The following C12orf56 variants were observed in gnomAD, a reference collection of about 807,000 sequenced individuals.
C12orf56 encodes chromosome 12 open reading frame 56.
A neutral mutation model predicts 69.9 loss-of-function variants in C12orf56; 71 were observed. That is an observed-to-expected ratio of 1.02 (90% CI 0.84 to 1.24). The LOEUF (loss-of-function observed/expected upper bound fraction) is 1.24. Ranked by LOEUF, C12orf56 falls within the 50% of genes most tolerant of loss-of-function variation. The probability of loss-of-function intolerance (pLI) is 0.00; values close to 1 mark genes in which losing one functional copy is unlikely to be tolerated. For synonymous variants in C12orf56, 276 were observed against 274.1 expected (o/e 1.01, Z -0.07); for missense variants, 732 against 738.5 (o/e 0.99, Z 0.10).
chr12:64,309,816 T>A (rs781491705), intron 5 of C12orf56, among the ~76,000 whole-genome samples: 1 of 152,076 alleles, frequency 6.6e-6, no homozygotes, highest in African/African-American at 2.4e-5. Flanking sequence ...CGGCTTATCA[T>A]ACTCACACTT....
chr12:64,313,295 A>AAAGAAAGAAAGAAAGAAAGAAAG, intron 4 of C12orf56, among the ~76,000 whole-genome samples: 1 of 148,000 alleles, frequency 6.8e-6, no homozygotes, highest in African/African-American at 2.5e-5. Context: ...AGAAAGAAAG[A>AAAGAAAGAAAGAAAGAAAGAAAG]AAGAAATTAT....
intron 6 of C12orf56, among the ~76,000 whole-genome samples, chr12:64,298,851 C>G (rs2038405249): frequency 6.6e-6 from 1 of 152,138 alleles, no homozygotes; most frequent in Admixed American, 6.6e-5. Flanking sequence ...TTAGGATTGT[C>G]TTGGCTATGC....
chr12:64,346,619 C>A (rs748429870), intron 2 of C12orf56, among the ~76,000 whole-genome samples: 4 of 152,270 alleles, frequency 2.6e-5, no homozygotes, highest in Middle Eastern at 3.4e-3. Context: ...TCTAGTCCCT[C>A]TCCATCCCAG....
At chr12:64,308,233 A>G (rs2038541636) in intron 5 of C12orf56, among the ~76,000 whole-genome samples, 1 of 152,060 alleles carries the variant, frequency 6.6e-6, no homozygotes, top group Admixed American at 6.6e-5. Flanking sequence ...GAGGCATGAG[A>G]ATTGCTCGAG....
chr12:64,282,159 C>T (rs778673272), intron 8 of C12orf56, among the ~76,000 whole-genome samples: 25 of 152,232 alleles, frequency 1.6e-4, no homozygotes, highest in Non-Finnish European at 3.2e-4. Flanking sequence ...AGTTTGAGAC[C>T]AGCCCCGACA....
In C12orf56 at chr12:64,267,157, A is replaced by G. The variant is rs2037927299; in HGVS notation, c.*26T>C. On this transcript the variant is annotated 3_prime_UTR_variant, in exon 13 of 13. Coordinates refer to ENST00000543942, the MANE Select transcript of C12orf56 (RefSeq NM_001170633.2). ...CTCTTGATTAACATTTTATACTCTT[A>G]TTAACATTGCGTACATTGTTTGTTT... 7 of 1,484,166 alleles carry G rather than the reference A, an allele frequency of 4.7e-6. No homozygotes were observed. The highest frequency in any genetic ancestry group is 6.5e-6 in the Non-Finnish European group (7 of 1,080,542). 91.9% of individuals were successfully genotyped at this position (1,484,166 alleles called of 1,614,324 possible). A position where few individuals can be genotyped will look rare whatever the true frequency, so the allele number is the denominator to read the frequency against.
intron 2 of C12orf56, among the ~76,000 whole-genome samples, chr12:64,350,542 C>G (rs2135948290): frequency 6.6e-6 from 1 of 152,354 alleles, no homozygotes; most frequent in South Asian, 2.1e-4. Context: ...ATAAAAGCCT[C>G]TTGGGAAAAC....
intron 5 of C12orf56, among the ~76,000 whole-genome samples, chr12:64,310,722 T>TC (rs2038596432): frequency 8.9e-5 from 11 of 122,968 alleles, no homozygotes; most frequent in Non-Finnish European, 1.4e-4. Flanking sequence ...CTTCTTTCTT[T>TC]ATTTTTTTTT....
intron 1 of C12orf56, among the ~76,000 whole-genome samples, chr12:64,388,189 C>T (rs1206361520): frequency 1.3e-5 from 2 of 152,166 alleles, no homozygotes; most frequent in African/African-American, 4.8e-5. Flanking sequence ...CCACCTGCCT[C>T]AGCCTCCCAA....
At chr12:64,312,635 G>A (rs1417017086) in intron 5 of C12orf56, 44 bp downstream of exon 5, 1 of 1,416,234 alleles carries the variant, frequency 7.1e-7, no homozygotes, top group South Asian at 1.2e-5. Flanking sequence ...AAAGAGGAGA[G>A]AAAAATTCCC....
At chr12:64,299,700 TA>T (rs1457975580) in intron 6 of C12orf56, among the ~76,000 whole-genome samples, 1 of 152,008 alleles carries the variant, frequency 6.6e-6, no homozygotes, top group East Asian at 1.9e-4. Context: ...ATCACTATAG[TA>T]AAAGGGAGGA....
At chr12:64,293,015 G>A (rs548597511) in intron 6 of C12orf56, among the ~76,000 whole-genome samples, 442 of 151,744 alleles carry the variant, frequency 2.9e-3, no homozygotes, top group African/African-American at 6.8e-3. Context: ...CTCCGTGGGC[G>A]TAGGACCCTC....
At chr12:64,369,477 C>T (rs1315724161) in intron 1 of C12orf56, among the ~76,000 whole-genome samples, 3 of 151,998 alleles carry the variant, frequency 2.0e-5, no homozygotes, top group Admixed American at 6.6e-5. Context: ...GGATTACAGG[C>T]GAGAGCCACT....
intron 1 of C12orf56, among the ~76,000 whole-genome samples, chr12:64,372,423 G>A (rs545664696): frequency 3.9e-5 from 6 of 152,144 alleles, no homozygotes; most frequent in Non-Finnish European, 7.4e-5. Flanking sequence ...TGCGAACTAT[G>A]TCTGACTACC....
At chr12:64,340,708 G>A (rs893356106) in intron 2 of C12orf56, among the ~76,000 whole-genome samples, 1 of 152,194 alleles carries the variant, frequency 6.6e-6, no homozygotes, top group African/African-American at 2.4e-5. Flanking sequence ...AAAGAAGGAG[G>A]AAATACTCAT....
chr12:64,364,372 A>T (rs2135963900), intron 1 of C12orf56, among the ~76,000 whole-genome samples: 1 of 152,318 alleles, frequency 6.6e-6, no homozygotes, highest in Middle Eastern at 3.4e-3. Context: ...TACCAGTTGG[A>T]CCAGATAGGT....
intron 1 of C12orf56, among the ~76,000 whole-genome samples, chr12:64,381,226 G>A (rs983063395): frequency 6.6e-6 from 1 of 152,206 alleles, no homozygotes; most frequent in East Asian, 1.9e-4. Flanking sequence ...CAGTTCCTGG[G>A]TGGGGGCAAT....
intron 5 of C12orf56, among the ~76,000 whole-genome samples, chr12:64,310,424 C>T (rs1473725299): frequency 6.6e-6 from 1 of 152,198 alleles, no homozygotes. Context: ...TCCGCATTCA[C>T]TAGCTGGAAT....
At chr12:64,351,057 T>A (rs1384205630) in intron 2 of C12orf56, among the ~76,000 whole-genome samples, 1 of 152,172 alleles carries the variant, frequency 6.6e-6, no homozygotes, top group Non-Finnish European at 1.5e-5. Flanking sequence ...CCATAGCTCA[T>A]AAGGAACAAA....
Sources: allele counts gnomAD v4.1 joint callset (sites outside exome capture counted in the v4.1 genomes callset), GRCh38; gene constraint gnomAD v4.1.1; transcripts MANE v1.5; gene names NCBI Gene and HGNC (gene_info 2026-07-23, HGNC 2026-07-21).